Variants in HAGH observed in about 807,000 individuals in gnomAD.
HAGH encodes hydroxyacylglutathione hydrolase.
HAGH carries 29 observed loss-of-function variants against 35.1 expected under a neutral mutation model. That is an observed-to-expected ratio of 0.83 (90% CI 0.62 to 1.13). The LOEUF (loss-of-function observed/expected upper bound fraction) is 1.13, where lower values mean the gene tolerates loss of function less well. Ranked by LOEUF, HAGH falls within the 50% of genes most tolerant of loss-of-function variation. The pLI is 0.00. For missense variants in HAGH, 478 were observed against 419.6 expected, an observed-to-expected ratio of 1.14 and a Z score of -1.22; for synonymous variants, 225 against 176.1, an observed-to-expected ratio of 1.28 and a Z score of -2.20.
chr16:1,820,583 A>C (rs1279012002), intron 3 of HAGH, among the ~76,000 whole-genome samples: 2 of 152,192 alleles, frequency 1.3e-5, no homozygotes, highest in Non-Finnish European at 2.9e-5. Context: ...CAGCTCCAGC[A>C]GGTGGAGGTG....
At chr16:1,823,426 C>A (rs1898246317) in intron 1 of HAGH, among the ~76,000 whole-genome samples, 1 of 151,906 alleles carries the variant, frequency 6.6e-6, no homozygotes, top group South Asian at 2.1e-4. Context: ...CGCCACCATA[C>A]CCGGCTAATT....
At chr16:1,825,825 C>T (rs1488284697) in intron 1 of HAGH, among the ~76,000 whole-genome samples, 1 of 152,232 alleles carries the variant, frequency 6.6e-6, no homozygotes, top group Non-Finnish European at 1.5e-5. Context: ...CCTCCCGCCT[C>T]GGCCTCCCAA....
intron 1 of HAGH, among the ~76,000 whole-genome samples, chr16:1,825,612 C>T (rs1048748145): frequency 2.0e-5 from 3 of 152,158 alleles, no homozygotes; most frequent in Non-Finnish European, 4.4e-5. Flanking sequence ...CTCACTCTGT[C>T]CCCTAGGCTA....
At chr16:1,814,930 TACACAC>T (rs4027423) in intron 7 of HAGH, among the ~76,000 whole-genome samples, 2,599 of 140,722 alleles carry the variant, frequency 0.018, 39 homozygotes, top group South Asian at 0.074. Flanking sequence ...TATATGTATA[TACACAC>T]ACACACACAC....
At chr16:1,822,426 A>G (rs1898196138) in intron 2 of HAGH, 62 bp from the exon 3 acceptor site, 2 of 1,277,376 alleles carry the variant, frequency 1.6e-6, no homozygotes, top group East Asian at 4.6e-5. Context: ...TTGCTGGCCT[A>G]TATGGTAGGG....
chr16:1,812,069 G>C (rs1430683326), intron 7 of HAGH, among the ~76,000 whole-genome samples: 1 of 151,874 alleles, frequency 6.6e-6, no homozygotes, highest in African/African-American at 2.4e-5. Context: ...GCACAGGCCT[G>C]TAGTCCCAGG....
Position 1,816,974 on chromosome 16 carries a change from C to T in HAGH, c.666G>A (p.Glu222=). Residue 222 remains glutamate, a synonymous_variant, in exon 7 of 9, where the codon GAG becomes GAA. Transcript: ENST00000397356. ...CAAACTTGAGGTTGTTGATGGTGTACTCGTGGCCACAGTAGACTCTCTGAG... is the reference window on the plus strand; with the variant it reads ...CAAACTTGAGGTTGTTGATGGTGTATTCGTGGCCACAGTAGACTCTCTGAG... The part of the protein sequence containing the change: ...PPDTRVYCGH[E]YTINNLKFAR... 1 of 1,612,526 alleles carries T rather than the reference C, an allele frequency of 6.2e-7. No homozygotes were observed. The highest frequency in any genetic ancestry group is 8.5e-7 in the Non-Finnish European group (1 of 1,178,502).
intron 3 of HAGH, 176 bp downstream of exon 3, chr16:1,822,124 C>A: frequency 1.7e-6 from 1 of 604,792 alleles, no homozygotes; most frequent in South Asian, 1.9e-5. Context: ...TCACTGAGCA[C>A]CAGACTTGCC....
In HAGH at chr16:1,826,756, C is replaced by T. The variant is rs1898453313; in HGVS notation, c.32G>A (p.Arg11His). The change falls in exon 1 of 9, where the codon CGC (arginine) becomes CAC (histidine). Residue 11 changes from arginine (R) to histidine (H), a missense_variant. Transcript: ENST00000397356. MVVGRGLLGR[R>H]SLAALGAACA... is the part of the protein sequence containing the mutation. ...GGCGGCTCCCAGCGCGGCGAGGCTGCGGCGGCCGAGCAGCCCTCGGCCCAC... is the reference window on the plus strand; with the variant it reads ...GGCGGCTCCCAGCGCGGCGAGGCTGTGGCGGCCGAGCAGCCCTCGGCCCAC... 8.3e-7 allele frequency: 1 copy of T among 1,203,648 alleles called. No individual in the cohort carries two copies. Among genetic ancestry groups the T allele is most frequent in the Non-Finnish European group, 1.0e-6 (1 of 969,834 alleles). 74.6% of individuals were successfully genotyped at this position (1,203,648 alleles called of 1,614,324 possible). A position where few individuals can be genotyped will look rare whatever the true frequency, so the allele number is the denominator to read the frequency against.
rs1242800504 is a variant in HAGH at position 1,808,260 on chromosome 16, A to C, written c.*1023T>G. 1 of 151,352 alleles carries C rather than the reference A, an allele frequency of 6.6e-6. No individual in the cohort carries two copies. Among genetic ancestry groups the C allele is most frequent in the Non-Finnish European group, 1.5e-5 (1 of 67,910 alleles). 9.4% of individuals were successfully genotyped at this position (151,352 alleles called of 1,614,324 possible). A position where few individuals can be genotyped will look rare whatever the true frequency, so the allele number is the denominator to read the frequency against. On this transcript the variant is annotated 3_prime_UTR_variant, in exon 9 of 9. Coordinates refer to ENST00000397356, the MANE Select transcript of HAGH (RefSeq NM_005326.6). The stretch of plus-strand genomic sequence containing the variant: ...GTAGCTAGGACTACAGCTGCACACC[A>C]CCCTGCCCAGGTAACTTTTTAAAAA...
intron 1 of HAGH, among the ~76,000 whole-genome samples, chr16:1,823,718 G>C (rs1410623297): frequency 1.6e-5 from 2 of 127,000 alleles, no homozygotes; most frequent in South Asian, 2.5e-4. Flanking sequence ...ACTCCAGCCT[G>C]GGTGACAAGA....
intron 7 of HAGH, among the ~76,000 whole-genome samples, chr16:1,812,594 G>T (rs189811949): frequency 1.3e-5 from 2 of 151,798 alleles, no homozygotes; most frequent in African/African-American, 4.8e-5. Context: ...CAGACATTTG[G>T]GGGGTGGGAG....
At chr16:1,826,385 C>T (rs1293806336) in intron 1 of HAGH, 3 of 212,318 alleles carry the variant, frequency 1.4e-5, no homozygotes, top group African/African-American at 2.4e-5. Flanking sequence ...GCCTCAGAGC[C>T]GCGCCCCAGG....
At chr16:1,827,086 C>G (rs1224031497), upstream of HAGH, 1 of 1,165,672 alleles carries the variant, frequency 8.6e-7, no homozygotes. Flanking sequence ...GGAGGCCGAG[C>G]GCCACGCCGC....
intron 4 of HAGH, among the ~76,000 whole-genome samples, 168 bp from the exon 5 acceptor site, chr16:1,819,391 C>T (rs1006618109): frequency 2.0e-5 from 3 of 152,206 alleles, no homozygotes; most frequent in Non-Finnish European, 2.9e-5. Context: ...TCGCTCACTC[C>T]ATGGGTGCGC....
At chr16:1,817,069 G>A in intron 6 of HAGH, 75 bp from the exon 7 acceptor site, 2 of 1,330,058 alleles carry the variant, frequency 1.5e-6, no homozygotes, top group Non-Finnish European at 2.2e-6. Flanking sequence ...GGACCTGGAT[G>A]CCCCCGGGGG....
At chr16:1,814,179 A>G (rs752161633) in intron 7 of HAGH, among the ~76,000 whole-genome samples, 6 of 125,718 alleles carry the variant, frequency 4.8e-5, no homozygotes, top group Non-Finnish European at 1.0e-4. Flanking sequence ...GAAACATAAA[A>G]GAAAAATTGA....
chr16:1,826,452 G>A (rs1169929198), intron 1 of HAGH: 2 of 635,850 alleles, frequency 3.1e-6, no homozygotes, highest in Non-Finnish European at 3.9e-6. Flanking sequence ...CAGGGGCGCG[G>A]CCGGCCCAGC....
At chr16:1,810,085 A>G (rs2142024413) in intron 7 of HAGH, 1 of 504,928 alleles carries the variant, frequency 2.0e-6, no homozygotes, top group Admixed American at 3.2e-5. Context: ...GGATCGCTTG[A>G]GCACAGGTCG....
Sources: gnomAD v4.1 joint callset for allele counts (sites outside exome capture counted in the v4.1 genomes callset) on GRCh38, gnomAD v4.1.1 for gene constraint, MANE v1.5 for transcripts, NCBI Gene and HGNC (gene_info 2026-07-23, HGNC 2026-07-21) for gene names.